The following KIF26B variants were observed in gnomAD, a reference collection of about 807,000 sequenced individuals.
KIF26B encodes the protein kinesin family member 26B, also known as kinesin-like protein KIF26B.
Under a neutral mutation model 151.2 loss-of-function variants are expected in KIF26B, and 63 were observed. That is an observed-to-expected ratio of 0.42 (90% confidence interval 0.34 to 0.51). The LOEUF is 0.51. Ranked by LOEUF, KIF26B falls within the 20% of genes least tolerant of loss-of-function variation. The pLI is 0.07. For missense variants in KIF26B, 2,813 were observed against 2,913.6 expected, an observed-to-expected ratio of 0.97 and a Z score of 0.79; for synonymous variants, 1,357 against 1,262.1, an observed-to-expected ratio of 1.08 and a Z score of -1.59.
At chr1:245,492,103 G>A (rs897730599) in intron 4 of KIF26B, among the ~76,000 whole-genome samples, 1 of 152,168 alleles carries the variant, frequency 6.6e-6, no homozygotes, top group Non-Finnish European at 1.5e-5. Context: ...CTGTGCCCAG[G>A]CCCTTCCTGA....
intron 9 of KIF26B, among the ~76,000 whole-genome samples, chr1:245,620,201 CTT>C: frequency 6.6e-6 from 1 of 152,200 alleles, no homozygotes; most frequent in South Asian, 2.1e-4. Flanking sequence ...AAGGCTCTCT[CTT>C]TGAGTTTTCA....
At chr1:245,175,193 C>T (rs1363204938) in intron 2 of KIF26B, among the ~76,000 whole-genome samples, 1 of 152,158 alleles carries the variant, frequency 6.6e-6, no homozygotes, top group East Asian at 1.9e-4. Flanking sequence ...GGCCCAGATT[C>T]AGCATAGTGA....
chr1:245,208,611 C>T (rs769034010), intron 2 of KIF26B, among the ~76,000 whole-genome samples: 9 of 152,108 alleles, frequency 5.9e-5, no homozygotes, highest in African/African-American at 1.4e-4. Flanking sequence ...AAGCGGATGT[C>T]GATAGTGAGA....
At chr1:245,331,606 T>A (rs1238105441) in intron 2 of KIF26B, among the ~76,000 whole-genome samples, 1 of 152,088 alleles carries the variant, frequency 6.6e-6, no homozygotes, top group African/African-American at 2.4e-5. Context: ...TGGTGGCTGC[T>A]GAGGAAGGAT....
chr1:245,313,707 T>C (rs949422067), intron 2 of KIF26B, among the ~76,000 whole-genome samples: 2 of 152,212 alleles, frequency 1.3e-5, no homozygotes, highest in African/African-American at 4.8e-5. Context: ...TCGCAGTGTT[T>C]AGCAGATATT....
chr1:245,401,904 CAA>C (rs1674010849), intron 3 of KIF26B, among the ~76,000 whole-genome samples: 2 of 151,888 alleles, frequency 1.3e-5, no homozygotes, highest in Admixed American at 6.6e-5. Flanking sequence ...CACACACACA[CAA>C]AAACACCACC....
chr1:245,274,029 A>G, intron 2 of KIF26B, among the ~76,000 whole-genome samples: 1 of 151,960 alleles, frequency 6.6e-6, no homozygotes, highest in Non-Finnish European at 1.5e-5. Flanking sequence ...TATCGCCTAT[A>G]GATATTTTCT....
At chr1:245,289,882 C>T (rs779008443) in intron 2 of KIF26B, among the ~76,000 whole-genome samples, 7 of 152,174 alleles carry the variant, frequency 4.6e-5, no homozygotes, top group Non-Finnish European at 4.4e-5. Context: ...AAAACCTTTT[C>T]TGTTGTTCCC....
intron 3 of KIF26B, among the ~76,000 whole-genome samples, chr1:245,403,341 C>A (rs1033716920): frequency 9.9e-5 from 15 of 152,136 alleles, no homozygotes; most frequent in Admixed American, 7.9e-4. Flanking sequence ...CCCCATTTTT[C>A]GGATGCGTTC....
intron 10 of KIF26B, among the ~76,000 whole-genome samples, chr1:245,654,503 C>G (rs2044053053): frequency 6.6e-6 from 1 of 152,150 alleles, no homozygotes; most frequent in African/African-American, 2.4e-5. Flanking sequence ...TCTCAGAAAG[C>G]TTCACCCTAT....
At chr1:245,323,953 G>GGGAGGT (rs1400226219) in intron 2 of KIF26B, among the ~76,000 whole-genome samples, 1 of 138,074 alleles carries the variant, frequency 7.2e-6, no homozygotes, top group Non-Finnish European at 1.5e-5. Context: ...TGTGGGTGGT[G>GGGAGGT]GGAGGTGGAG....
chr1:245,544,996 G>A (rs1661706290), intron 5 of KIF26B, among the ~76,000 whole-genome samples: 1 of 152,166 alleles, frequency 6.6e-6, no homozygotes, highest in Non-Finnish European at 1.5e-5. Flanking sequence ...AAGAAATGGA[G>A]GTAATTTCCA....
chr1:245,671,014 C>G (rs2044280187), intron 10 of KIF26B, among the ~76,000 whole-genome samples: 1 of 152,158 alleles, frequency 6.6e-6, no homozygotes, highest in Non-Finnish European at 1.5e-5. Flanking sequence ...CTTTCCCAGC[C>G]TCTGGTAACC....
intron 9 of KIF26B, among the ~76,000 whole-genome samples, chr1:245,633,005 A>G (rs550983435): frequency 9.2e-5 from 14 of 152,280 alleles, no homozygotes; most frequent in African/African-American, 3.4e-4. Context: ...TTTATATAAT[A>G]TATCTGGGTA....
chr1:245,410,842 C>G (rs1037322696), intron 3 of KIF26B, among the ~76,000 whole-genome samples: 1 of 152,154 alleles, frequency 6.6e-6, no homozygotes, highest in Non-Finnish European at 1.5e-5. Flanking sequence ...CATTGTTACA[C>G]AACCATCACC....
At chr1:245,302,834 C>T (rs924168216) in intron 2 of KIF26B, among the ~76,000 whole-genome samples, 4 of 151,700 alleles carry the variant, frequency 2.6e-5, no homozygotes, top group South Asian at 2.1e-4. Context: ...ACTAAAAATA[C>T]GAAAATTAGC....
At chr1:245,480,278 G>GC (rs1558182834) in intron 4 of KIF26B, among the ~76,000 whole-genome samples, 2 of 150,942 alleles carry the variant, frequency 1.3e-5, no homozygotes. Flanking sequence ...CTGTCTCGGG[G>GC]GGGAGGAAAG....
chr1:245,536,011 C>T (rs1048280464), intron 4 of KIF26B, among the ~76,000 whole-genome samples: 31 of 152,114 alleles, frequency 2.0e-4, no homozygotes, highest in African/African-American at 6.5e-4. Flanking sequence ...CAACTGTGTT[C>T]CAGGCACTGT....
intron 4 of KIF26B, among the ~76,000 whole-genome samples, chr1:245,455,068 C>G (rs1398354663): frequency 6.6e-6 from 1 of 152,194 alleles, no homozygotes; most frequent in African/African-American, 2.4e-5. Flanking sequence ...TTTGCTACCA[C>G]TTGCTGGTCT....
Sources: allele counts gnomAD v4.1 joint callset (sites outside exome capture counted in the v4.1 genomes callset), GRCh38; gene constraint gnomAD v4.1.1; transcripts MANE v1.5; gene names NCBI Gene and HGNC (gene_info 2026-07-23, HGNC 2026-07-21).